The following GABRB1 variants were observed in gnomAD, a reference collection of about 807,000 sequenced individuals.
The protein encoded by GABRB1 is gamma-aminobutyric acid receptor subunit beta-1.
In GABRB1, 17 loss-of-function variants were observed where a neutral mutation model predicts 51.6. The observed-to-expected ratio is 0.33, with a 90% CI of 0.23 to 0.49. GABRB1 has a LOEUF of 0.49. Ranked by LOEUF, GABRB1 falls within the 20% of genes least tolerant of loss-of-function variation. The pLI is 0.99. For missense variants in GABRB1, 410 were observed against 600.6 expected, an observed-to-expected ratio of 0.68 and a Z score of 3.32; for synonymous variants, 247 against 218.9, an observed-to-expected ratio of 1.13 and a Z score of -1.14.
At chr4:47,421,952 T>A (rs1267914817) in intron 8 of GABRB1, among the ~76,000 whole-genome samples, 1 of 152,114 alleles carries the variant, frequency 6.6e-6, no homozygotes, top group Non-Finnish European at 1.5e-5. Flanking sequence ...TAATTCTCCC[T>A]CCTTTAAGGA....
chr4:47,078,956 T>C (rs1727697657), intron 3 of GABRB1, among the ~76,000 whole-genome samples: 1 of 152,220 alleles, frequency 6.6e-6, no homozygotes, highest in South Asian at 2.1e-4. Flanking sequence ...ATCCCAGGGA[T>C]GAAGCCCACT....
intron 3 of GABRB1, among the ~76,000 whole-genome samples, chr4:47,123,654 ATATAAATAT>A (rs1715930848): frequency 1.3e-5 from 1 of 76,808 alleles, no homozygotes; most frequent in Non-Finnish European, 2.2e-5. Context: ...TATTTTATAT[ATATAAATAT>A]ATATGATATG....
intron 3 of GABRB1, among the ~76,000 whole-genome samples, chr4:47,125,336 T>A (rs1375788302): frequency 6.6e-6 from 1 of 151,994 alleles, no homozygotes. Flanking sequence ...CATATTGAAA[T>A]GAAATGATGC....
At chr4:47,398,557 TAG>T (rs1182836628) in intron 5 of GABRB1, among the ~76,000 whole-genome samples, 25 of 151,468 alleles carry the variant, frequency 1.7e-4, no homozygotes, top group Middle Eastern at 3.4e-3. Context: ...CTCATATATA[TAG>T]AGAGAGAGAG....
intron 7 of GABRB1, among the ~76,000 whole-genome samples, chr4:47,404,128 G>A (rs1728488896): frequency 6.6e-6 from 1 of 152,162 alleles, no homozygotes; most frequent in African/African-American, 2.4e-5. Context: ...GTCAATTGCT[G>A]AGAAATACTA....
intron 5 of GABRB1, among the ~76,000 whole-genome samples, chr4:47,338,254 A>G (rs1388479232): frequency 6.6e-6 from 1 of 152,140 alleles, no homozygotes; most frequent in Non-Finnish European, 1.5e-5. Flanking sequence ...GTATTTATCT[A>G]AGTTCCCAGA....
At chr4:47,047,991 G>A (rs575716146) in intron 3 of GABRB1, among the ~76,000 whole-genome samples, 113 of 152,264 alleles carry the variant, frequency 7.4e-4, no homozygotes, top group Non-Finnish European at 1.3e-3. Context: ...AACAAAAAAA[G>A]ATAATTATAT....
At chr4:47,319,159 G>A (rs1458935664) in intron 4 of GABRB1, among the ~76,000 whole-genome samples, 1 of 151,846 alleles carries the variant, frequency 6.6e-6, no homozygotes, top group Non-Finnish European at 1.5e-5. Flanking sequence ...CATTTGTGTT[G>A]TTTTCCATTT....
At chr4:47,246,343 T>C (rs1244870909) in intron 4 of GABRB1, among the ~76,000 whole-genome samples, 39 of 6,520 alleles carry the variant, frequency 6.0e-3, no homozygotes, top group Non-Finnish European at 7.6e-3. Context: ...TGTACATATA[T>C]ATATATATAT....
intron 4 of GABRB1, among the ~76,000 whole-genome samples, chr4:47,291,193 C>A (rs548804386): frequency 6.6e-6 from 1 of 152,262 alleles, no homozygotes; most frequent in South Asian, 2.1e-4. Context: ...TAAAATGGGG[C>A]AAGGTACAGC....
At chr4:47,023,442 GT>G (rs1198176799) in intron 1 of GABRB1, among the ~76,000 whole-genome samples, 1 of 151,736 alleles carries the variant, frequency 6.6e-6, no homozygotes, top group Non-Finnish European at 1.5e-5. Context: ...TTTTGGTTAT[GT>G]GTGTTTTTAT....
chr4:47,198,960 A>C (rs1262820223), intron 4 of GABRB1, among the ~76,000 whole-genome samples: 2 of 152,148 alleles, frequency 1.3e-5, no homozygotes, highest in Non-Finnish European at 2.9e-5. Flanking sequence ...GAATTCACGC[A>C]CTATCATGAG....
intron 5 of GABRB1, among the ~76,000 whole-genome samples, chr4:47,376,509 T>C (rs1215324634): frequency 6.6e-6 from 1 of 151,998 alleles, no homozygotes; most frequent in Non-Finnish European, 1.5e-5. Context: ...TAGCCGGGCC[T>C]AGTGGCGGCC....
intron 4 of GABRB1, among the ~76,000 whole-genome samples, chr4:47,300,623 T>A (rs574249244): frequency 6.6e-6 from 1 of 152,184 alleles, no homozygotes; most frequent in African/African-American, 2.4e-5. Context: ...AAGACCTTTT[T>A]AAATTTTTTA....
rs202163566 is a variant in GABRB1, at chr4:47,391,677, T to TCC, written c.545-11640_545-11639dup. Among the ~76,000 whole-genome samples the TCC allele has an allele frequency of 8.3e-4, 126 of 152,354 alleles. No individual in the cohort carries two copies. In the East Asian group the frequency reaches 0.019, roughly 23 times the overall value. On this transcript the variant is annotated intron_variant, in intron 5 of 8. Transcript: ENST00000295454. ...TACCTGTAAGGCCTCTGTGAAGGTG[T>TCC]CCTTCATCAGGGAGTAAATTAGGCT...
chr4:47,278,013 G>A (rs1255859867), intron 4 of GABRB1, among the ~76,000 whole-genome samples: 2 of 152,000 alleles, frequency 1.3e-5, no homozygotes, highest in East Asian at 3.8e-4. Flanking sequence ...AGTTTTCATA[G>A]CCCTGCCCTG....
chr4:47,111,025 A>C (rs915426914), intron 3 of GABRB1, among the ~76,000 whole-genome samples: 2 of 152,240 alleles, frequency 1.3e-5, no homozygotes, highest in African/African-American at 2.4e-5. Flanking sequence ...TATGCCCATA[A>C]TAACAAAATG....
chr4:47,176,554 G>C (rs977391794), intron 4 of GABRB1, among the ~76,000 whole-genome samples: 4 of 152,104 alleles, frequency 2.6e-5, no homozygotes, highest in Non-Finnish European at 5.9e-5. Context: ...CGTGTAAGTG[G>C]AGAGGTTGAT....
At chr4:47,189,142 T>A (rs1197252145) in intron 4 of GABRB1, among the ~76,000 whole-genome samples, 1 of 151,830 alleles carries the variant, frequency 6.6e-6, no homozygotes, top group Non-Finnish European at 1.5e-5. Context: ...ACATTTGAGC[T>A]GAGTTATGAG....
Sources: gnomAD v4.1 joint callset for allele counts (sites outside exome capture counted in the v4.1 genomes callset) on GRCh38, gnomAD v4.1.1 for gene constraint, MANE v1.5 for transcripts, NCBI Gene and HGNC (gene_info 2026-07-23, HGNC 2026-07-21) for gene names.